Variants in ARL10 observed in about 807,000 individuals in gnomAD.
The protein encoded by ARL10 is ARF like GTPase 10.
ARL10 carries 23 observed loss-of-function variants against 26.1 expected under a neutral mutation model. That is an observed-to-expected ratio of 0.88 (90% CI 0.63 to 1.25). The LOEUF (loss-of-function observed/expected upper bound fraction) is 1.25, where lower values mean the gene tolerates loss of function less well. Among genes scored for constraint, ARL10 ranks in the 50% most tolerant of loss-of-function variants. ARL10 has a pLI of 0.00. For synonymous variants in ARL10, 138 were observed against 149.1 expected, an observed-to-expected ratio of 0.93 and a Z score of 0.54; for missense variants, 300 against 323.6, an observed-to-expected ratio of 0.93 and a Z score of 0.56.
At chr5:176,389,177 C>T (rs898446753), downstream of ARL10, among the ~76,000 whole-genome samples, 4 of 152,072 alleles carry the variant, frequency 2.6e-5, no homozygotes, top group South Asian at 6.2e-4. Context: ...ATTGGGAGGA[C>T]TCTGTAACTA....
downstream of ARL10, among the ~76,000 whole-genome samples, chr5:176,390,136 C>G (rs895270190): frequency 3.5e-5 from 5 of 144,298 alleles, no homozygotes; most frequent in African/African-American, 1.3e-4. Flanking sequence ...GAGCTGAGAT[C>G]GCGCCATTGC....
chr5:176,410,401 C>A, the ARL10 span: 1 of 920,244 alleles, frequency 1.1e-6, no homozygotes, highest in South Asian at 1.5e-5. Context: ...TCTGTGTATA[C>A]CCATGTATAT....
chr5:176,369,129 C>T, intron 3 of ARL10, 147 bp downstream of exon 3: 1 of 1,535,600 alleles, frequency 6.5e-7, no homozygotes, highest in Non-Finnish European at 8.7e-7. Flanking sequence ...CTGTCCTGAT[C>T]CCTGCCTCTG....
In ARL10 at chr5:176,380,081, T is replaced by C. The variant is rs1038767390; in HGVS notation, c.*8186T>C. On this transcript the variant is annotated 3_prime_UTR_variant, in exon 4 of 4. Transcript: ENST00000310389. ...GCTGGTTGACTAGAGAGTCTCACTT[T>C]GTAAGGCATTTGTCCAACTTCCCCT... 8 of 152,238 alleles carry C rather than the reference T, an allele frequency of 5.3e-5. No homozygotes were observed. The highest frequency in any genetic ancestry group is 1.0e-4 in the Non-Finnish European group (7 of 68,060). 9.4% of individuals were successfully genotyped at this position (152,238 alleles called of 1,614,324 possible).
chr5:176,393,333 C>T (rs1011623216), downstream of ARL10, among the ~76,000 whole-genome samples: 12 of 152,158 alleles, frequency 7.9e-5, no homozygotes, highest in Non-Finnish European at 1.8e-4. The surrounding 1 kb of genome is among the most constrained non-coding windows in gnomAD (Gnocchi z 4.4). Context: ...GGTCCTAGGA[C>T]GACCTAATGC....
chr5:176,392,597 G>C (rs1756302219), downstream of ARL10: 1 of 639,910 alleles, frequency 1.6e-6, no homozygotes, highest in Non-Finnish European at 2.7e-6. The surrounding 1 kb of genome is among the most constrained non-coding windows in gnomAD (Gnocchi z 5.2). Context: ...TGGACCAGAG[G>C]GCCAGGAGGG....
rs1175781485 is a variant in ARL10, at chr5:176,379,173, G to GTATT, written c.*7284_*7287dup. Reference sequence around the variant, plus strand: ...TGTTCTTTTTTATGTATGTATGTATGTATTTATTTTTTGAGATGGAGTTTT... The same window carrying GTATT: ...TGTTCTTTTTTATGTATGTATGTATGTATTTATTTATTTTTTGAGATGGAGTTTT... On this transcript the variant is annotated 3_prime_UTR_variant, in exon 4 of 4. Transcript: ENST00000310389. The GTATT allele has an allele frequency of 2.8e-4, 42 of 152,018 alleles. No homozygotes were observed. Among genetic ancestry groups the GTATT allele is most frequent in the African/African-American group, 9.9e-4 (41 of 41,460 alleles). 9.4% of individuals were successfully genotyped at this position (152,018 alleles called of 1,614,324 possible).
intron 1 of ARL10, among the ~76,000 whole-genome samples, chr5:176,400,615 C>T (rs1336437366): frequency 2.0e-5 from 3 of 152,232 alleles, no homozygotes; most frequent in Admixed American, 1.3e-4. Context: ...CCACGCCCTC[C>T]GCATTCCTGT....
At chr5:176,409,948 G>C in the ARL10 span, among the ~76,000 whole-genome samples, 1 of 152,176 alleles carries the variant, frequency 6.6e-6, no homozygotes, top group Non-Finnish European at 1.5e-5. Context: ...AGTGGTGAGG[G>C]AAGGCCTTGC....
chr5:176,388,273 C>T, intron 1 of ARL10: 1 of 1,614,164 alleles, frequency 6.2e-7, no homozygotes, highest in Non-Finnish European at 8.5e-7. Flanking sequence ...TTGGGGTCCA[C>T]AGCCAACCCC....
At chr5:176,410,711 T>C in the ARL10 span, among the ~76,000 whole-genome samples, 15 of 151,632 alleles carry the variant, frequency 9.9e-5, no homozygotes, top group South Asian at 3.2e-3. Context: ...TGAGCTGCTG[T>C]AAGCTCAGGG....
rs541115228 is a variant in ARL10, at chr5:176,373,316, C to T, written c.*1421C>T. ...CATTCCATAGTTCTCCAGTGCTTGG[C>T]GATCAGCCCAATTGAAGGACTGGCT... On this transcript the variant is annotated 3_prime_UTR_variant, in exon 4 of 4. Transcript: ENST00000310389. 1.2e-5 allele frequency: 4 copies of T among 341,250 alleles called. No homozygotes were observed. The highest frequency in any genetic ancestry group is 4.3e-5 in the East Asian group (1 of 23,006). The allele number at this position is 341,250 out of a possible 1,614,324, so 21.1% of individuals were successfully genotyped here. A position where few individuals can be genotyped will look rare whatever the true frequency, so the allele number is the denominator to read the frequency against.
At chr5:176,371,299 T>C (rs541752439) in intron 3 of ARL10, among the ~76,000 whole-genome samples, 45 of 152,316 alleles carry the variant, frequency 3.0e-4, no homozygotes, top group South Asian at 4.1e-4. Context: ...CGCTTCAGGA[T>C]TCCACCACAG....
chr5:176,412,674 C>T, the ARL10 span, among the ~76,000 whole-genome samples: 4 of 152,128 alleles, frequency 2.6e-5, no homozygotes, highest in Non-Finnish European at 5.9e-5. Flanking sequence ...AAATAATCCC[C>T]GGGTGACATA....
chr5:176,413,724 T>C, the ARL10 span, among the ~76,000 whole-genome samples: 3 of 152,168 alleles, frequency 2.0e-5, no homozygotes, highest in African/African-American at 7.2e-5. Flanking sequence ...CAGGGGAAGA[T>C]TACCTGTTCA....
intron 1 of ARL10, among the ~76,000 whole-genome samples, chr5:176,366,008 G>T (rs1402685546): frequency 4.6e-5 from 7 of 152,182 alleles, no homozygotes; most frequent in Admixed American, 6.5e-5. Flanking sequence ...GTGTTCCAGC[G>T]GGGGCCGGAG....
downstream of ARL10, among the ~76,000 whole-genome samples, chr5:176,403,166 CT>C (rs1325377731): frequency 2.7e-5 from 4 of 150,474 alleles, no homozygotes; most frequent in Non-Finnish European, 5.9e-5. Context: ...TCTCCTGCCT[CT>C]GCCTCCCAAG....
chr5:176,388,149 T>A (rs1223482649), intron 1 of ARL10: 2 of 989,088 alleles, frequency 2.0e-6, no homozygotes, highest in African/African-American at 3.2e-5. Context: ...AGGGAAGGAA[T>A]GGGCAGTACC....
At chr5:176,366,164 G>C (rs1390440813) in intron 1 of ARL10, among the ~76,000 whole-genome samples, 1 of 152,214 alleles carries the variant, frequency 6.6e-6, no homozygotes, top group Non-Finnish European at 1.5e-5. Flanking sequence ...CTCCGAGACC[G>C]GTGGAGGAAG....
Sources: gnomAD v4.1 joint callset for allele counts (sites outside exome capture counted in the v4.1 genomes callset) on GRCh38, gnomAD v4.1.1 for gene constraint, Gnocchi (gnomAD v3.1) non-coding constraint, MANE v1.5 for transcripts, NCBI Gene and HGNC (gene_info 2026-07-23, HGNC 2026-07-21) for gene names.